UNC5A: variants seen among roughly 807,000 people sequenced by gnomAD.
The protein encoded by UNC5A is unc-5 netrin receptor A.
Under a neutral mutation model 87.4 loss-of-function variants are expected in UNC5A, and 20 were observed. The ratio of observed to expected loss-of-function variants is 0.23; its 90% confidence interval spans 0.16 to 0.33. The LOEUF (loss-of-function observed/expected upper bound fraction) is 0.33. Among genes scored for constraint, UNC5A ranks in the 10% least tolerant of loss-of-function variants. The pLI, the probability that UNC5A is intolerant of heterozygous loss-of-function variation, is 1.00. For synonymous variants in UNC5A, 438 were observed against 482.3 expected, an observed-to-expected ratio of 0.91 and a Z score of 1.20; for missense variants, 844 against 1,133.4, an observed-to-expected ratio of 0.74 and a Z score of 3.67.
chr5:176,823,799 T>C (rs1561640230), intron 1 of UNC5A, among the ~76,000 whole-genome samples: 1 of 152,016 alleles, frequency 6.6e-6, no homozygotes, highest in Non-Finnish European at 1.5e-5. Flanking sequence ...CTCCACCCTA[T>C]TTGGTCTTGA....
Position 176,838,075 on chromosome 5 carries a change from C to T in UNC5A, c.71-24549C>T, listed in dbSNP as rs1757188511. The stretch of plus-strand genomic sequence containing the variant: ...GAGCCTCCATTCTTTGTGGTGGGGA[C>T]TCCCACCCCATAGGCTTCCGTTGAA... On this transcript the variant is annotated intron_variant, in intron 1 of 14. Transcript: ENST00000329542. The surrounding 1 kb of genome is among the most constrained non-coding windows in gnomAD (Gnocchi z 4.2). 6.6e-6 allele frequency among the ~76,000 whole-genome samples: 1 copy of T among 152,204 alleles called. No individual in the cohort carries two copies. Among genetic ancestry groups the T allele is most frequent in the Non-Finnish European group, 1.5e-5 (1 of 68,046 alleles).
At chr5:176,831,578 C>G (rs755654524) in intron 1 of UNC5A, among the ~76,000 whole-genome samples, 2 of 152,228 alleles carry the variant, frequency 1.3e-5, no homozygotes, top group African/African-American at 4.8e-5. Context: ...TTTTCCCTGA[C>G]AGGCCCTCTC....
Position 176,878,177 on chromosome 5 carries a change from G to T in UNC5A, c.1869+50G>T, listed in dbSNP as rs190811634. The T allele has an allele frequency of 4.4e-6, 7 of 1,604,002 alleles. No individual in the cohort carries two copies. The African/African-American group carries it at 9.3e-5, about 21-fold the overall frequency. On this transcript the variant is annotated intron_variant, in intron 11 of 14. Coordinates refer to ENST00000329542, the MANE Select transcript of UNC5A (RefSeq NM_133369.3). ...CCGCTGGGAGGCCGAGCTATGCCTG[G>T]CCCTGTGGACTGCCTGCCTTGGGCG...
intron 1 of UNC5A, among the ~76,000 whole-genome samples, chr5:176,811,270 C>A (rs1450252564): frequency 6.6e-6 from 1 of 152,228 alleles, no homozygotes; most frequent in Non-Finnish European, 1.5e-5. Flanking sequence ...CAGCCACTCA[C>A]AATCTCCCAG....
intron 1 of UNC5A, among the ~76,000 whole-genome samples, chr5:176,823,782 C>T (rs1756786871): frequency 6.6e-6 from 1 of 152,108 alleles, no homozygotes; most frequent in Non-Finnish European, 1.5e-5. Flanking sequence ...ACTTGGACTC[C>T]TCTCAGCTCC....
intron 8 of UNC5A, among the ~76,000 whole-genome samples, chr5:176,876,700 GGGAGCT>G (rs1758269414): frequency 6.6e-6 from 1 of 152,230 alleles, no homozygotes; most frequent in Non-Finnish European, 1.5e-5. Flanking sequence ...CAAGGGAGAG[GGGAGCT>G]GGAGCAGGAC....
rs1435044750 is a variant in UNC5A, at chr5:176,869,102, A to G, written c.721+138A>G. 4.0e-6 allele frequency: 4 copies of G among 1,000,584 alleles called. No individual in the cohort carries two copies. Among genetic ancestry groups the G allele is most frequent in the Non-Finnish European group, 5.7e-6 (4 of 705,870 alleles). 62.0% of individuals were successfully genotyped at this position (1,000,584 alleles called of 1,614,324 possible). Reference sequence around the variant, plus strand: ...TCGTGCCTGACTAGGCAGGATAAGCAAAGGGCTCTCTGTGACTGCTGGGGG... The same window carrying G: ...TCGTGCCTGACTAGGCAGGATAAGCGAAGGGCTCTCTGTGACTGCTGGGGG... On this transcript the variant is annotated intron_variant, in intron 5 of 14. Transcript: ENST00000329542. This position sits in a 1 kb window ranked among gnomAD's most constrained non-coding sequence, Gnocchi z 9.1.
Position 176,874,633 on chromosome 5 carries a change from C to T in UNC5A, c.1378+67C>T. 2 of 1,463,224 alleles carry T rather than the reference C, an allele frequency of 1.4e-6. No individual in the cohort carries two copies. The highest frequency in any genetic ancestry group is 2.4e-5 in the East Asian group (1 of 41,042). 90.6% of individuals were successfully genotyped at this position (1,463,224 alleles called of 1,614,324 possible). A position where few individuals can be genotyped will look rare whatever the true frequency, so the allele number is the denominator to read the frequency against. The stretch of plus-strand genomic sequence containing the variant: ...CCTGGAGGAGGACGGGACAGCCGGA[C>T]GTTCCTCTCGTGCCCCTCGGTGTCC... On this transcript the variant is annotated intron_variant, in intron 8 of 14. Coordinates refer to ENST00000329542, the MANE Select transcript of UNC5A (RefSeq NM_133369.3). The surrounding 1 kb of genome is among the most constrained non-coding windows in gnomAD (Gnocchi z 7.6).
At chr5:176,818,924 C>T (rs370286859) in intron 1 of UNC5A, among the ~76,000 whole-genome samples, 2 of 152,214 alleles carry the variant, frequency 1.3e-5, no homozygotes, top group East Asian at 1.9e-4. Flanking sequence ...TTTCCTCACC[C>T]GTAGCCCTGA....
chr5:176,860,051 G>A (rs537943823), intron 1 of UNC5A, among the ~76,000 whole-genome samples: 6 of 152,346 alleles, frequency 3.9e-5, no homozygotes, highest in African/African-American at 7.2e-5. Context: ...CGTGCTGATC[G>A]ATAGGGAGGC....
rs2113617912 is a variant in UNC5A at position 176,838,973 on chromosome 5, G to A, written c.71-23651G>A. Reference sequence around the variant, plus strand: ...AAGAGTGGATCTCCAAAGAAAATGGGGCTGTTATTTTGGGAAAAGAGGAGC... The same window carrying A: ...AAGAGTGGATCTCCAAAGAAAATGGAGCTGTTATTTTGGGAAAAGAGGAGC... On this transcript the variant is annotated intron_variant, in intron 1 of 14. Transcript: ENST00000329542. This position sits in a 1 kb window ranked among gnomAD's most constrained non-coding sequence, Gnocchi z 4.2. Among the ~76,000 whole-genome samples the A allele has an allele frequency of 6.6e-6, 1 of 152,120 alleles. No homozygotes were observed. Among genetic ancestry groups the A allele is most frequent in the South Asian group, 2.1e-4 (1 of 4,822 alleles).
chr5:176,831,883 CTCTTTTTTTTTTTTTTTT>C (rs1757036596), intron 1 of UNC5A, among the ~76,000 whole-genome samples: 1 of 115,312 alleles, frequency 8.7e-6, no homozygotes, highest in South Asian at 2.5e-4. Context: ...CTTTCTCTCT[CTCTTTTTTTTTTTTTTTT>C]TTTTTTTTTT....
At chr5:176,852,270 AAC>A (rs986592699) in intron 1 of UNC5A, among the ~76,000 whole-genome samples, 1 of 151,810 alleles carries the variant, frequency 6.6e-6, no homozygotes, top group African/African-American at 2.4e-5. Flanking sequence ...CACACACAGA[AAC>A]ACACATACAC....
chr5:176,879,804 A>G lies in UNC5A; in HGVS notation c.2447A>G (p.Asn816Ser), dbSNP rs1758372291. ...LWEARHFPNGNLSQLAAAVAG... is the reference protein window; with the variant it reads ...LWEARHFPNGSLSQLAAAVAG... ...GAGGCGCGGCACTTCCCCAACGGCA[A>G]CCTCAGCCAGCTGGCTGCAGCAGTG... Residue 816 changes from asparagine (N) to serine (S), a missense_variant, in exon 15 of 15, where the codon AAC (asparagine) becomes AGC (serine). Physicochemically the swap from Asn to Ser is conservative, Grantham distance 46. Around this residue, in one of 3 missense-constraint regions of UNC5A, gnomAD observed 177 missense variants for 279.4 expected, o/e 0.63. Transcript: ENST00000329542. 4 of 1,613,062 alleles carry G rather than the reference A, an allele frequency of 2.5e-6. No homozygotes were observed. Among genetic ancestry groups the G allele is most frequent in the Non-Finnish European group, 3.4e-6 (4 of 1,179,818 alleles).
chr5:176,833,647 T>A (rs1757076926), intron 1 of UNC5A, among the ~76,000 whole-genome samples: 1 of 152,002 alleles, frequency 6.6e-6, no homozygotes, highest in South Asian at 2.1e-4. Context: ...AGCCCATGAG[T>A]CTCTGCCCTT....
At chr5:176,814,844 A>AGGGAGGG (rs1419115319) in intron 1 of UNC5A, among the ~76,000 whole-genome samples, 2 of 152,174 alleles carry the variant, frequency 1.3e-5, no homozygotes, top group African/African-American at 4.8e-5. Context: ...CTTTGCAGGC[A>AGGGAGGG]GGGAGGGCTG....
chr5:176,874,136 G>C lies in UNC5A; in HGVS notation c.1055G>C (p.Ser352Thr), dbSNP rs764114359. Residue 352 changes from serine (S) to threonine (T), a missense_variant, in exon 7 of 15, where the codon AGC (serine) becomes ACC (threonine). Transcript: ENST00000329542. The surrounding 1 kb of genome is among the most constrained non-coding windows in gnomAD (Gnocchi z 7.6). ...SILTSGFQPV[S>T]IKPSKADNPH... ...CTCACCTCAGGCTTCCAGCCCGTCAGCATCAAGCCCAGCAAAGCAGGTGAG... is the reference window on the plus strand; with the variant it reads ...CTCACCTCAGGCTTCCAGCCCGTCACCATCAAGCCCAGCAAAGCAGGTGAG... The C allele has an allele frequency of 1.2e-6, 2 of 1,613,876 alleles. No individual in the cohort carries two copies. The highest frequency in any genetic ancestry group is 1.7e-6 in the Non-Finnish European group (2 of 1,179,880).
At position 176,870,192 on chromosome 5, in the gene UNC5A, A is replaced by C. The variant is rs935730567; in HGVS notation, c.722-178A>C. Among the ~76,000 whole-genome samples the C allele has an allele frequency of 3.3e-5, 5 of 152,302 alleles. No individual in the cohort carries two copies. The East Asian group carries it at 9.6e-4, about 29-fold the overall frequency. On this transcript the variant is annotated intron_variant, in intron 5 of 14. Transcript: ENST00000329542. ...CGCCTCCCTGTCATTAGCATGCGTC[A>C]TCAAGGCCAGCTGGACACTAGAGGG...
Position 176,863,683 on chromosome 5 carries a change from A to C in UNC5A, c.292+838A>C, listed in dbSNP as rs547590471. ...ACTCCCCCAGAAAGGACTGGCAGAG[A>C]GAGAGGCAGGAGCAAACAACAGCTT... On this transcript the variant is annotated intron_variant, in intron 2 of 14. Coordinates refer to ENST00000329542, the MANE Select transcript of UNC5A (RefSeq NM_133369.3). Among the ~76,000 whole-genome samples, 445 of 149,164 alleles carry C rather than the reference A, an allele frequency of 3.0e-3. 1 individual carries two copies. Among genetic ancestry groups the C allele is most frequent in the Middle Eastern group, 0.017 (5 of 288 alleles).
Sources: gnomAD v4.1 joint callset for allele counts (sites outside exome capture counted in the v4.1 genomes callset) on GRCh38, gnomAD v4.1.1 for gene constraint, gnomAD v4.1.1 regional missense constraint, Gnocchi (gnomAD v3.1) non-coding constraint, MANE v1.5 for transcripts, NCBI Gene and HGNC (gene_info 2026-07-23, HGNC 2026-07-21) for gene names.